NTMT2: variants seen among roughly 807,000 people sequenced by gnomAD.
The protein encoded by NTMT2 is N-terminal Xaa-Pro-Lys N-methyltransferase 2, also known as X-Pro-Lys N-terminal protein methyltransferase 1B.
In NTMT2, 21 loss-of-function variants were observed where a neutral mutation model predicts 23.4. The ratio of observed to expected loss-of-function variants is 0.90; its 90% CI spans 0.64 to 1.29. NTMT2 has a LOEUF of 1.29. NTMT2 is among the 50% of genes most tolerant of loss of function. NTMT2 has a pLI of 0.00. For missense variants in NTMT2, 336 were observed against 352.0 expected, an observed-to-expected ratio of 0.95 and a Z score of 0.36; for synonymous variants, 131 against 127.7, an observed-to-expected ratio of 1.03 and a Z score of -0.17.
chr1:170,157,614 T>G (rs1440121397), intron 1 of NTMT2, among the ~76,000 whole-genome samples: 1 of 152,004 alleles, frequency 6.6e-6, no homozygotes, highest in Non-Finnish European at 1.5e-5. Flanking sequence ...ATGTAATTGT[T>G]CATTTCTGAA....
intron 1 of NTMT2, among the ~76,000 whole-genome samples, chr1:170,147,633 T>G (rs1019583825): frequency 6.6e-6 from 1 of 152,230 alleles, no homozygotes; most frequent in Non-Finnish European, 1.5e-5. Context: ...GAGACACTCT[T>G]CAGGCCATAC....
intron 2 of NTMT2, chr1:170,161,511 C>G (rs373331977): frequency 1.4e-4 from 21 of 152,030 alleles, no homozygotes; most frequent in African/African-American, 5.1e-4. Context: ...AAATTTTGGC[C>G]TTTATGTCTA....
In NTMT2 at chr1:170,167,516, T is replaced by C; in HGVS notation, c.611T>C (p.Phe204Ser). The C allele has an allele frequency of 1.9e-6, 3 of 1,551,524 alleles. No individual in the cohort carries two copies. Among genetic ancestry groups the C allele is most frequent in the Non-Finnish European group, 2.6e-6 (3 of 1,146,870 alleles). Residue 204 changes from phenylalanine (F) to serine (S), a missense_variant, in exon 4 of 4, where the codon TTT becomes TCT. Physicochemically the swap from Phe to Ser is radical, Grantham distance 155. Transcript: ENST00000439373. Reference protein sequence around the residue: ...GHLTDKDLLAFLSRCRDGLKE... With the variant: ...GHLTDKDLLASLSRCRDGLKE... ...CTGACTGATAAGGACCTTCTTGCAT[T>C]TCTTTCCCGGTGCCGAGATGGCCTG...
At chr1:170,153,755 A>G (rs1457848099) in intron 1 of NTMT2, among the ~76,000 whole-genome samples, 2 of 152,268 alleles carry the variant, frequency 1.3e-5, no homozygotes, top group African/African-American at 4.8e-5. Flanking sequence ...GGTGAAGCAC[A>G]GCATAAAAGT....
rs762491969 is a variant in NTMT2 at position 170,148,341 on chromosome 1, C to T, written c.154+2080C>T. Among the ~76,000 whole-genome samples the T allele has an allele frequency of 3.3e-5, 5 of 151,144 alleles. No individual in the cohort carries two copies. In the East Asian group the frequency reaches 9.7e-4, roughly 29 times the overall value. On this transcript the variant is annotated intron_variant, in intron 1 of 3. Coordinates refer to ENST00000439373, the MANE Select transcript of NTMT2 (RefSeq NM_001136107.2). ...TTTTTTTTTTTATTTTTAGTAGAGA[C>T]GGGGTTTCACCGTATTAGCCAGGAT...
chr1:170,152,434 A>T (rs1301093659), intron 1 of NTMT2, among the ~76,000 whole-genome samples: 1 of 152,208 alleles, frequency 6.6e-6, no homozygotes, highest in African/African-American at 2.4e-5. Context: ...TAGGGGATAG[A>T]TCTCTTGCTG....
At chr1:170,166,459 G>C in intron 2 of NTMT2, 43 bp from the exon 3 acceptor site, 1 of 1,549,120 alleles carries the variant, frequency 6.5e-7, no homozygotes, top group Non-Finnish European at 8.7e-7. Context: ...CAATTTTCAA[G>C]GATGGGTCTC....
At chr1:170,158,108 T>C (rs1557907209) in intron 1 of NTMT2, 2 of 152,058 alleles carry the variant, frequency 1.3e-5, no homozygotes, top group South Asian at 4.1e-4. Context: ...GAAGAATGAA[T>C]CTATAGGAGG....
At chr1:170,153,598 A>G (rs868291255) in intron 1 of NTMT2, among the ~76,000 whole-genome samples, 2 of 152,226 alleles carry the variant, frequency 1.3e-5, no homozygotes, top group South Asian at 2.1e-4. Flanking sequence ...GATCTCTGGA[A>G]GATTGAACTT....
intron 2 of NTMT2, among the ~76,000 whole-genome samples, chr1:170,166,244 A>C (rs1179541998): frequency 7.2e-6 from 1 of 139,610 alleles, no homozygotes; most frequent in East Asian, 2.1e-4. Flanking sequence ...GGTTCACGCC[A>C]TTCTCCTGCC....
rs766885852 is a variant in NTMT2 at position 170,168,302 on chromosome 1, A to C, written c.*545A>C. On this transcript the variant is annotated 3_prime_UTR_variant, in exon 4 of 4. Transcript: ENST00000439373. ...ATTCCAAACTGTCTTGTTCCCTGAT[A>C]ATTAGTATTATAGAGTATTCTGGTG... 4.9e-4 allele frequency among the ~76,000 whole-genome samples: 74 copies of C among 151,756 alleles called. No individual in the cohort carries two copies. The highest frequency in any genetic ancestry group is 7.9e-4 in the Non-Finnish European group (54 of 67,942).
At chr1:170,162,729 A>C (rs957048381) in intron 2 of NTMT2, among the ~76,000 whole-genome samples, 1 of 152,184 alleles carries the variant, frequency 6.6e-6, no homozygotes, top group African/African-American at 2.4e-5. Context: ...TAAGTTGTCA[A>C]GATTACACAG....
At chr1:170,164,599 C>T (rs1367102139) in intron 2 of NTMT2, among the ~76,000 whole-genome samples, 3 of 152,144 alleles carry the variant, frequency 2.0e-5, no homozygotes, top group Non-Finnish European at 2.9e-5. Context: ...TACCACTTCC[C>T]CTTCTCATGC....
chr1:170,152,716 C>A (rs1289767776), intron 1 of NTMT2, among the ~76,000 whole-genome samples: 1 of 151,938 alleles, frequency 6.6e-6, no homozygotes, highest in Non-Finnish European at 1.5e-5. Context: ...AATCCCCCCC[C>A]CACCACCATT....
chr1:170,166,769 T>C lies in NTMT2; in HGVS notation c.580+18T>C. ...GGTCTCTGGTTAGTCCTGCATGACT[T>C]TCCCTCTGCTTTTCTCCCCTTCTCA... On this transcript the variant is annotated intron_variant, in intron 3 of 3. Coordinates refer to ENST00000439373, the MANE Select transcript of NTMT2 (RefSeq NM_001136107.2). 6.5e-7 allele frequency: 1 copy of C among 1,549,952 alleles called. No individual in the cohort carries two copies. Among genetic ancestry groups the C allele is most frequent in the South Asian group, 1.2e-5 (1 of 84,022 alleles).
chr1:170,158,833 T>G (rs527473375), intron 1 of NTMT2, among the ~76,000 whole-genome samples: 1 of 152,066 alleles, frequency 6.6e-6, no homozygotes, highest in Non-Finnish European at 1.5e-5. Flanking sequence ...TAAGAATTCT[T>G]TATTGTTCTT....
intron 1 of NTMT2, among the ~76,000 whole-genome samples, chr1:170,147,262 C>T (rs991276538): frequency 2.0e-5 from 3 of 152,186 alleles, no homozygotes; most frequent in African/African-American, 4.8e-5. Flanking sequence ...TATATAACTT[C>T]TTTCTAAAAC....
chr1:170,159,122 C>A (rs1310857921), intron 1 of NTMT2, among the ~76,000 whole-genome samples: 1 of 151,000 alleles, frequency 6.6e-6, no homozygotes, highest in East Asian at 1.9e-4. Context: ...TGTACTTGTC[C>A]CCTAAATAGA....
chr1:170,166,745 G>A lies in NTMT2; in HGVS notation c.574G>A (p.Val192Ile), dbSNP rs761623633. The A allele has an allele frequency of 6.4e-7, 1 of 1,552,302 alleles. No individual in the cohort carries two copies. The highest frequency in any genetic ancestry group is 1.2e-5 in the South Asian group (1 of 84,058). Residue 192 changes from valine to isoleucine, a missense_variant, in exon 3 of 4, where the codon GTC (valine) becomes ATC (isoleucine). By Grantham distance (29) the Val-to-Ile change is conservative. Coordinates refer to ENST00000439373, the MANE Select transcript of NTMT2 (RefSeq NM_001136107.2). ...RRYDVIWIQW[V>I]SGHLTDKDLL... ...ATATGATGTCATCTGGATTCAGTGGGTCTCTGGTTAGTCCTGCATGACTTT... is the reference window on the plus strand; with the variant it reads ...ATATGATGTCATCTGGATTCAGTGGATCTCTGGTTAGTCCTGCATGACTTT...
Sources: gnomAD v4.1 joint callset for allele counts (sites outside exome capture counted in the v4.1 genomes callset) on GRCh38, gnomAD v4.1.1 for gene constraint, MANE v1.5 for transcripts, NCBI Gene and HGNC (gene_info 2026-07-23, HGNC 2026-07-21) for gene names.